The following TCAF1 variants were observed in gnomAD, a reference collection of about 807,000 sequenced individuals.
The protein encoded by TCAF1 is TRPM8 channel-associated factor 1.
TCAF1 carries 4 observed loss-of-function variants against 27.3 expected under a neutral mutation model. The observed-to-expected ratio is 0.15, with a 90% CI of 0.07 to 0.34. The LOEUF is 0.34. Among genes scored for constraint, TCAF1 ranks in the 10% least tolerant of loss-of-function variants. The probability of loss-of-function intolerance (pLI) is 1.00; values close to 1 mark genes in which losing one functional copy is unlikely to be tolerated. For missense variants in TCAF1, 257 were observed against 425.8 expected (o/e 0.60, Z 3.49); for synonymous variants, 105 against 167.1 (o/e 0.63, Z 2.87).
At chr7:143,882,832 T>C in intron 1 of TCAF1, 1 of 985,548 alleles carries the variant, frequency 1.0e-6, no homozygotes, top group Non-Finnish European at 1.2e-6. Context: ...TACCAGTGAC[T>C]GGGCGACCGA....
At chr7:143,859,958 G>T (rs369499011) in intron 6 of TCAF1, among the ~76,000 whole-genome samples, 33,997 of 40,328 alleles carry the variant, frequency 0.84, 14,126 homozygotes, top group East Asian at 0.96. Flanking sequence ...ATATATTACG[G>T]AATATATATT....
chr7:143,886,610 A>G, intron 1 of TCAF1: 1 of 835,374 alleles, frequency 1.2e-6, no homozygotes, highest in Non-Finnish European at 1.4e-6. Flanking sequence ...AGCAGCCTAA[A>G]GCAGAAAATG....
intron 1 of TCAF1, among the ~76,000 whole-genome samples, chr7:143,883,602 T>C (rs1301670416): frequency 6.9e-6 from 1 of 145,250 alleles, no homozygotes; most frequent in Non-Finnish European, 1.5e-5. Flanking sequence ...GCCTCCCGAG[T>C]TCAAGAGATT....
intron 1 of TCAF1, among the ~76,000 whole-genome samples, chr7:143,885,842 A>G (rs1435201195): frequency 6.6e-6 from 1 of 152,234 alleles, no homozygotes; most frequent in Non-Finnish European, 1.5e-5. Flanking sequence ...CAGACAGGAA[A>G]GTGGATTACT....
At chr7:143,895,638 G>GT (rs966014073) in intron 1 of TCAF1, among the ~76,000 whole-genome samples, 38 of 150,068 alleles carry the variant, frequency 2.5e-4, no homozygotes, top group Non-Finnish European at 3.9e-4. Context: ...ATAACTCAGG[G>GT]TTTTTTTTTG....
intron 2 of TCAF1, among the ~76,000 whole-genome samples, chr7:143,870,347 T>C (rs1222168540): frequency 6.6e-6 from 1 of 152,102 alleles, no homozygotes; most frequent in Admixed American, 6.6e-5. Flanking sequence ...CTAATAAAAG[T>C]ATTTAAAGGC....
intron 1 of TCAF1, among the ~76,000 whole-genome samples, chr7:143,891,240 G>A (rs1034209955): frequency 9.9e-5 from 15 of 151,972 alleles, no homozygotes; most frequent in Middle Eastern, 3.2e-3. Flanking sequence ...ACAATATTCT[G>A]CATTGAATCA....
chr7:143,890,866 C>T (rs1246026999), intron 1 of TCAF1, among the ~76,000 whole-genome samples: 1 of 152,140 alleles, frequency 6.6e-6, no homozygotes, highest in East Asian at 1.9e-4. Context: ...TAGGAGAGAC[C>T]TCAAGGAAAC....
At chr7:143,898,469 G>T (rs1384572275) in intron 1 of TCAF1, among the ~76,000 whole-genome samples, 1 of 151,972 alleles carries the variant, frequency 6.6e-6, no homozygotes, top group East Asian at 1.9e-4. Context: ...GGTAAATTTA[G>T]AATTATTAAT....
At chr7:143,882,608 C>G in intron 1 of TCAF1, 2 of 985,566 alleles carry the variant, frequency 2.0e-6, no homozygotes, top group Non-Finnish European at 2.4e-6. Flanking sequence ...AGACCCACGG[C>G]GCACCCATCG....
chr7:143,883,735 C>G (rs929631594), intron 1 of TCAF1, among the ~76,000 whole-genome samples: 1 of 152,122 alleles, frequency 6.6e-6, no homozygotes, highest in Non-Finnish European at 1.5e-5. Flanking sequence ...AAATCACTGA[C>G]CTCAAGTGAT....
chr7:143,890,352 C>A (rs1402389413), intron 1 of TCAF1, among the ~76,000 whole-genome samples: 1 of 152,156 alleles, frequency 6.6e-6, no homozygotes, highest in East Asian at 1.9e-4. Context: ...CCTTCAGTTT[C>A]TTAGTGATGG....
intron 1 of TCAF1, among the ~76,000 whole-genome samples, chr7:143,890,363 A>T (rs1464061184): frequency 2.0e-5 from 3 of 152,148 alleles, no homozygotes; most frequent in Non-Finnish European, 4.4e-5. Flanking sequence ...TTAGTGATGG[A>T]CTAAATTGCT....
At chr7:143,874,463 A>C (rs1340313341) in intron 2 of TCAF1, among the ~76,000 whole-genome samples, 4 of 99,014 alleles carry the variant, frequency 4.0e-5, no homozygotes, top group East Asian at 5.6e-4. Flanking sequence ...GCATCAATTT[A>C]TAAGGCTGGT....
intron 2 of TCAF1, among the ~76,000 whole-genome samples, chr7:143,875,226 T>C (rs969009141): frequency 1.3e-5 from 2 of 152,178 alleles, no homozygotes; most frequent in Non-Finnish European, 2.9e-5. Context: ...GAGAGTGGCC[T>C]AATGTACTTT....
intron 1 of TCAF1, among the ~76,000 whole-genome samples, chr7:143,899,903 T>C (rs1003068896): frequency 1.3e-5 from 2 of 152,198 alleles, no homozygotes; most frequent in East Asian, 3.9e-4. Context: ...TCATTAGTTA[T>C]GGAAAATGCT....
rs778534239 is a variant in TCAF1 at position 143,876,460 on chromosome 7, G to C, written c.149C>G (p.Ala50Gly). The change falls in exon 2 of 9, where the codon GCT (alanine) becomes GGT (glycine). Residue 50 changes from alanine (A) to glycine (G), a missense_variant. By Grantham distance (60) the Ala-to-Gly change is moderately conservative. Around this residue, in one of 2 missense-constraint regions of TCAF1, gnomAD observed 255 missense variants for 260.1 expected, o/e 0.98. Coordinates refer to ENST00000479870, the MANE Select transcript of TCAF1 (RefSeq NM_014719.3). ...GCGGCCACGGCCATAGGAGGAGGCA[G>C]CAATGAGGACCTGGCCCATGTCATT... ...MVNDMGQVLI[A>G]ASSYGRGRLV... The C allele has an allele frequency of 9.3e-6, 15 of 1,606,862 alleles. No homozygotes were observed. Among genetic ancestry groups the C allele is most frequent in the Non-Finnish European group, 1.2e-5 (14 of 1,176,852 alleles).
intron 1 of TCAF1, among the ~76,000 whole-genome samples, chr7:143,894,460 A>G (rs1273191388): frequency 6.6e-6 from 1 of 151,862 alleles, no homozygotes; most frequent in Non-Finnish European, 1.5e-5. Context: ...AGATTCAAAA[A>G]GTCTAATGGT....
At chr7:143,897,480 T>C (rs1813937268) in intron 1 of TCAF1, among the ~76,000 whole-genome samples, 1 of 152,102 alleles carries the variant, frequency 6.6e-6, no homozygotes, top group Non-Finnish European at 1.5e-5. Context: ...TGGTAAGACT[T>C]CCACTCATTA....
Sources: gnomAD v4.1 joint callset for allele counts (sites outside exome capture counted in the v4.1 genomes callset) on GRCh38, gnomAD v4.1.1 for gene constraint, gnomAD v4.1.1 regional missense constraint, MANE v1.5 for transcripts, NCBI Gene and HGNC (gene_info 2026-07-23, HGNC 2026-07-21) for gene names.